Variants in GRM7 observed in about 807,000 individuals in gnomAD.
GRM7 encodes the protein metabotropic glutamate receptor 7.
Under a neutral mutation model 84.5 loss-of-function variants are expected in GRM7, and 35 were observed. The observed-to-expected ratio is 0.41, with a 90% CI of 0.32 to 0.55. The LOEUF is 0.55. GRM7 is among the 20% of genes least tolerant of loss of function. The probability of loss-of-function intolerance (pLI) is 0.19; values close to 1 mark genes in which losing one functional copy is unlikely to be tolerated. For missense variants in GRM7, 1,003 were observed against 1,194.6 expected (o/e 0.84, Z 2.36); for synonymous variants, 487 against 455.1 (o/e 1.07, Z -0.89).
intron 2 of GRM7, among the ~76,000 whole-genome samples, chr3:7,153,415 CCT>C (rs955821092): frequency 6.6e-6 from 1 of 152,068 alleles, no homozygotes; most frequent in African/African-American, 2.4e-5. Flanking sequence ...GCCTAGTTAT[CCT>C]CTCTCACTAG....
intron 2 of GRM7, among the ~76,000 whole-genome samples, chr3:7,244,101 G>T (rs1697665689): frequency 6.6e-6 from 1 of 152,040 alleles, no homozygotes; most frequent in Admixed American, 6.6e-5. Flanking sequence ...TATAAATATT[G>T]TACACTTAGG....
At position 7,136,180 on chromosome 3, in the gene GRM7, A is replaced by G. The variant is rs191623142; in HGVS notation, c.520-10272A>G. ...TCTCTGGATTTAATATATTATTTTT[A>G]TTCATTTTTTTTTTCTATTTTAACT... On this transcript the variant is annotated intron_variant, in intron 1 of 9. Transcript: ENST00000357716. 2.5e-3 allele frequency among the ~76,000 whole-genome samples: 378 copies of G among 150,314 alleles called. 5 individuals are homozygous for G. The highest frequency in any genetic ancestry group is 8.5e-3 in the African/African-American group (342 of 40,062).
intron 3 of GRM7, among the ~76,000 whole-genome samples, chr3:7,301,842 G>T (rs147979192): frequency 2.0e-5 from 3 of 151,918 alleles, no homozygotes; most frequent in African/African-American, 7.3e-5. Context: ...TTCTTTCTTC[G>T]GAAGATTTAC....
Position 7,680,103 on chromosome 3 carries a change from G to T in GRM7, c.2506G>T (p.Ala836Ser). The change falls in exon 9 of 10, where the codon GCG (alanine) becomes TCG (serine). Residue 836 changes from alanine to serine, a missense_variant. Around this residue, in one of 2 missense-constraint regions of GRM7, gnomAD observed 910 missense variants for 1,126.0 expected, o/e 0.81. Coordinates refer to ENST00000357716, the MANE Select transcript of GRM7 (RefSeq NM_000844.4). The part of the protein sequence containing the change: ...TISMNLSASV[A>S]LGMLYMPKVY... Reference sequence around the variant, plus strand: ...CTCCATGAACCTAAGTGCATCAGTGGCGCTGGGGATGCTATACATGCCGAA... The same window carrying T: ...CTCCATGAACCTAAGTGCATCAGTGTCGCTGGGGATGCTATACATGCCGAA... 6.2e-7 allele frequency: 1 copy of T among 1,613,894 alleles called. No individual in the cohort carries two copies. The highest frequency in any genetic ancestry group is 8.5e-7 in the Non-Finnish European group (1 of 1,179,820).
chr3:7,512,780 G>T (rs775762596), intron 7 of GRM7, among the ~76,000 whole-genome samples: 1 of 152,076 alleles, frequency 6.6e-6, no homozygotes, highest in Non-Finnish European at 1.5e-5. Context: ...CTAGCAGCTG[G>T]TGCTTTGAGA....
chr3:7,676,241 A>G (rs1399355879), intron 8 of GRM7, among the ~76,000 whole-genome samples: 2 of 152,114 alleles, frequency 1.3e-5, no homozygotes, highest in East Asian at 3.9e-4. Flanking sequence ...TCATAACTTC[A>G]GTGTGAGCCT....
intron 1 of GRM7, among the ~76,000 whole-genome samples, chr3:6,967,862 C>T (rs189646558): frequency 1.1e-3 from 169 of 152,232 alleles, no homozygotes; most frequent in Admixed American, 2.0e-3. Context: ...CTGTGGGTGT[C>T]CATTCAATTA....
intron 1 of GRM7, among the ~76,000 whole-genome samples, chr3:7,017,469 A>G (rs1382989818): frequency 2.0e-5 from 3 of 152,228 alleles, no homozygotes; most frequent in Admixed American, 2.0e-4. Flanking sequence ...GCTAAACAGT[A>G]TTGAACGGAA....
intron 7 of GRM7, among the ~76,000 whole-genome samples, chr3:7,533,989 T>C (rs904255483): frequency 2.7e-5 from 4 of 150,888 alleles, no homozygotes; most frequent in African/African-American, 9.7e-5. Context: ...GTATTTAAAA[T>C]GTGGCATAGA....
intron 1 of GRM7, among the ~76,000 whole-genome samples, chr3:7,064,744 T>C (rs992907723): frequency 1.3e-5 from 2 of 151,636 alleles, no homozygotes; most frequent in Non-Finnish European, 2.9e-5. Context: ...ATGGTAATTA[T>C]ACTTGTAGTT....
At chr3:7,097,784 C>A (rs1574898325) in intron 1 of GRM7, among the ~76,000 whole-genome samples, 1 of 152,068 alleles carries the variant, frequency 6.6e-6, no homozygotes, top group Non-Finnish European at 1.5e-5. Context: ...TATCAAAATT[C>A]TTGACTCCTT....
At chr3:7,029,609 G>A (rs1696116571) in intron 1 of GRM7, among the ~76,000 whole-genome samples, 2 of 152,164 alleles carry the variant, frequency 1.3e-5, no homozygotes, top group African/African-American at 4.8e-5. Flanking sequence ...GCTATAAAAG[G>A]ACAAATATTG....
chr3:7,188,469 G>T lies in GRM7; in HGVS notation c.736+41801G>T, dbSNP rs940345399. ...GAAAATATTTTTAAAGCATTTTAAA[G>T]AAAGTAATTTGAAAAGTAAAGTAAA... On this transcript the variant is annotated intron_variant, in intron 2 of 9. Coordinates refer to ENST00000357716, the MANE Select transcript of GRM7 (RefSeq NM_000844.4). The surrounding 1 kb of genome is among the most constrained non-coding windows in gnomAD (Gnocchi z 4.2). Among the ~76,000 whole-genome samples the T allele has an allele frequency of 3.9e-5, 6 of 152,154 alleles. No individual in the cohort carries two copies. The highest frequency in any genetic ancestry group is 1.9e-4 in the East Asian group (1 of 5,176).
chr3:7,040,554 C>T (rs561245846), intron 1 of GRM7, among the ~76,000 whole-genome samples: 6 of 151,964 alleles, frequency 3.9e-5, no homozygotes, highest in South Asian at 2.1e-4. Context: ...CTGTCCACCT[C>T]GGCCTCCCAA....
intron 9 of GRM7, among the ~76,000 whole-genome samples, chr3:7,713,506 A>G (rs1701664488): frequency 6.6e-6 from 1 of 152,078 alleles, no homozygotes; most frequent in South Asian, 2.1e-4. Flanking sequence ...AACTCCAAGT[A>G]GTATTAAGAG....
intron 7 of GRM7, among the ~76,000 whole-genome samples, chr3:7,515,083 A>G (rs1475390628): frequency 6.6e-6 from 1 of 152,048 alleles, no homozygotes; most frequent in Non-Finnish European, 1.5e-5. Context: ...AGATATTGAT[A>G]AACACCTCAA....
Position 7,343,113 on chromosome 3 carries a change from T to C in GRM7, c.1033+36461T>C, listed in dbSNP as rs577066026. ...GGCAGCTACCCAAATGCTCAGTGTA[T>C]TGGGATTCAACACCCAGACGTAGAA... is the stretch of plus-strand genomic sequence containing the variant. On this transcript the variant is annotated intron_variant, in intron 4 of 9. Coordinates refer to ENST00000357716, the MANE Select transcript of GRM7 (RefSeq NM_000844.4). Among the ~76,000 whole-genome samples, 70 of 152,320 alleles carry C rather than the reference T, an allele frequency of 4.6e-4. 2 individuals are homozygous for C. The highest frequency in any genetic ancestry group is 1.6e-3 in the African/African-American group (65 of 41,588).
In GRM7 at chr3:7,507,905, T is replaced by C. The variant is rs559728966; in HGVS notation, c.1515+46183T>C. ...TTAGCTTTTGCTTGTTCAACACTTA[T>C]TTCCATTCTTCCGATAACTGCACCT... On this transcript the variant is annotated intron_variant, in intron 7 of 9. Coordinates refer to ENST00000357716, the MANE Select transcript of GRM7 (RefSeq NM_000844.4). Among the ~76,000 whole-genome samples, 93 of 152,330 alleles carry C rather than the reference T, an allele frequency of 6.1e-4. 1 individual carries two copies. The Middle Eastern group carries it at 0.017, about 28-fold the overall frequency.
At chr3:6,984,979 C>A (rs898307638) in intron 1 of GRM7, among the ~76,000 whole-genome samples, 1 of 152,172 alleles carries the variant, frequency 6.6e-6, no homozygotes, top group Non-Finnish European at 1.5e-5. Context: ...TTTTCTTCAG[C>A]GTCAGACAGA....
Sources: gnomAD v4.1 joint callset for allele counts (sites outside exome capture counted in the v4.1 genomes callset) on GRCh38, gnomAD v4.1.1 for gene constraint, gnomAD v4.1.1 regional missense constraint, Gnocchi (gnomAD v3.1) non-coding constraint, MANE v1.5 for transcripts, NCBI Gene and HGNC (gene_info 2026-07-23, HGNC 2026-07-21) for gene names.